MESD: variants seen among roughly 807,000 people sequenced by gnomAD.
MESD encodes the protein LRP chaperone MESD.
A neutral mutation model predicts 12.9 loss-of-function variants in MESD; 7 were observed. That is an observed-to-expected ratio of 0.54 (90% CI 0.31 to 1.02). The LOEUF (loss-of-function observed/expected upper bound fraction) is 1.02. Among genes scored for constraint, MESD ranks in the 50% least tolerant of loss-of-function variants. MESD has a pLI of 0.05. For synonymous variants in MESD, 126 were observed against 115.6 expected (o/e 1.09, Z -0.58); for missense variants, 342 against 296.7 (o/e 1.15, Z -1.12).
chr15:80,988,766 AG>A (rs1226400667), intron 1 of MESD, among the ~76,000 whole-genome samples: 1 of 152,242 alleles, frequency 6.6e-6, no homozygotes, highest in East Asian at 1.9e-4. Flanking sequence ...AAAGAAACCG[AG>A]GCCTAGAAAC....
chr15:80,967,548 C>T (rs1902198614), intron 3 of MESD, among the ~76,000 whole-genome samples: 1 of 152,166 alleles, frequency 6.6e-6, no homozygotes, highest in African/African-American at 2.4e-5. Context: ...CACTCAATGT[C>T]GTCCAACTTG....
At chr15:80,965,123 A>C (rs1208644749) in intron 3 of MESD, among the ~76,000 whole-genome samples, 3 of 152,202 alleles carry the variant, frequency 2.0e-5, no homozygotes, top group East Asian at 1.9e-4. Flanking sequence ...AAAACAAACA[A>C]CACCATCAAA....
intron 3 of MESD, among the ~76,000 whole-genome samples, chr15:80,968,272 G>A (rs887916412): frequency 4.6e-5 from 7 of 152,174 alleles, no homozygotes; most frequent in African/African-American, 1.7e-4. Flanking sequence ...CCCTACACTG[G>A]GCAAGGTGGC....
intron 3 of MESD, among the ~76,000 whole-genome samples, chr15:80,970,035 G>T (rs941447145): frequency 6.6e-6 from 1 of 152,184 alleles, no homozygotes; most frequent in South Asian, 2.1e-4. Context: ...AGTACACATG[G>T]ATAAGATAAT....
At chr15:80,959,900 G>A (rs1902055647) in intron 3 of MESD, among the ~76,000 whole-genome samples, 2 of 152,188 alleles carry the variant, frequency 1.3e-5, no homozygotes, top group Admixed American at 6.5e-5. Context: ...AGCCCTGTTC[G>A]TAGTATTTGT....
chr15:80,969,552 G>A (rs866685554), intron 3 of MESD, among the ~76,000 whole-genome samples: 1 of 152,026 alleles, frequency 6.6e-6, no homozygotes, highest in South Asian at 2.1e-4. Context: ...CTGCCTGCCT[G>A]AGTTTAAATC....
At chr15:80,950,089 C>T (rs1050252346) in intron 4 of MESD, 9 of 152,342 alleles carry the variant, frequency 5.9e-5, no homozygotes, top group Non-Finnish European at 1.0e-4. Context: ...GAGCTCCTGC[C>T]TTAGGGCCTC....
chr15:80,986,236 T>C (rs547830923), intron 1 of MESD, among the ~76,000 whole-genome samples: 28 of 152,228 alleles, frequency 1.8e-4, no homozygotes, highest in African/African-American at 6.5e-4. Context: ...TAAGTGGAGA[T>C]TAGAATTGTG....
chr15:80,965,066 G>A (rs903243405), intron 3 of MESD, among the ~76,000 whole-genome samples: 14 of 151,938 alleles, frequency 9.2e-5, no homozygotes, highest in Non-Finnish European at 1.5e-4. Context: ...TCTGACAAAG[G>A]GCTAATATCC....
intron 3 of MESD, among the ~76,000 whole-genome samples, chr15:80,956,954 C>G (rs1902000469): frequency 6.6e-6 from 1 of 152,028 alleles, no homozygotes; most frequent in South Asian, 2.1e-4. Context: ...GTAGCTGGGA[C>G]TACAGGCTCA....
At chr15:80,946,677 C>A, downstream of MESD, 1 of 439,478 alleles carries the variant, frequency 2.3e-6, no homozygotes. Flanking sequence ...ATCCTCTCCT[C>A]TGTTTGGAGA....
intron 3 of MESD, among the ~76,000 whole-genome samples, chr15:80,959,675 C>A (rs1180391000): frequency 6.6e-6 from 1 of 152,134 alleles, no homozygotes; most frequent in Non-Finnish European, 1.5e-5. Flanking sequence ...GATTTTTAAC[C>A]CCTCTTCTTC....
chr15:80,967,948 G>A (rs1359523519), intron 3 of MESD, among the ~76,000 whole-genome samples: 1 of 152,244 alleles, frequency 6.6e-6, no homozygotes, highest in African/African-American at 2.4e-5. Flanking sequence ...GGCCCCAACT[G>A]CAGGCTCAGG....
exon 5 of MESD, chr15:80,948,822 A>T: frequency 6.2e-7 from 1 of 1,614,208 alleles, no homozygotes; most frequent in Non-Finnish European, 8.5e-7. Context: ...TTGGCTTCAA[A>T]GGCAGCTTCC....
chr15:80,972,731 C>G (rs529778095), downstream of MESD, among the ~76,000 whole-genome samples: 1 of 152,328 alleles, frequency 6.6e-6, no homozygotes, highest in Admixed American at 6.5e-5. Context: ...AATATAAAAA[C>G]TTCATTACAG....
intron 1 of MESD, among the ~76,000 whole-genome samples, chr15:80,988,441 G>T (rs936338578): frequency 6.6e-6 from 1 of 152,302 alleles, no homozygotes; most frequent in African/African-American, 2.4e-5. Context: ...CTCATGAGGT[G>T]ATGTTCTCAC....
intron 3 of MESD, among the ~76,000 whole-genome samples, chr15:80,966,499 C>T (rs149158324): frequency 4.6e-5 from 7 of 152,298 alleles, no homozygotes; most frequent in African/African-American, 1.7e-4. Flanking sequence ...GACAGAGAGA[C>T]CTGAGAGCTC....
chr15:80,971,615 C>G (rs1267165359), downstream of MESD, among the ~76,000 whole-genome samples: 2 of 152,138 alleles, frequency 1.3e-5, no homozygotes, highest in African/African-American at 4.8e-5. Flanking sequence ...CCAATAGGAG[C>G]AATAAAGTCT....
chr15:80,989,631 T>A lies in MESD; in HGVS notation c.161A>T (p.Asp54Val). ...STPPPRKKKK[D>V]IRDYNDADMA... The stretch of plus-strand genomic sequence containing the variant: ...GTCTGCATCATTGTAATCGCGAATA[T>A]CCTTCTTCTTCTTCCGGGGAGGTGG... The change falls in exon 1 of 3, where the codon GAT (aspartate) becomes GTT (valine). Residue 54 changes from aspartate (D) to valine (V), a missense_variant. Asp to Val is a radical substitution (Grantham distance 152, BLOSUM62 -3). Coordinates refer to ENST00000261758, the MANE Select transcript of MESD (RefSeq NM_015154.3). 6.2e-7 allele frequency: 1 copy of A among 1,613,988 alleles called. No individual in the cohort carries two copies. The highest frequency in any genetic ancestry group is 8.5e-7 in the Non-Finnish European group (1 of 1,180,008).
Sources: gnomAD v4.1 joint callset for allele counts (sites outside exome capture counted in the v4.1 genomes callset) on GRCh38, gnomAD v4.1.1 for gene constraint, MANE v1.5 for transcripts, NCBI Gene and HGNC (gene_info 2026-07-23, HGNC 2026-07-21) for gene names.